The following EPHA6 variants were observed in gnomAD, a reference collection of about 807,000 sequenced individuals.
The protein encoded by EPHA6 is ephrin type-A receptor 6.
In EPHA6, 50 loss-of-function variants were observed where a neutral mutation model predicts 112.0. The observed-to-expected ratio is 0.45, with a 90% CI of 0.36 to 0.56. EPHA6 has a LOEUF of 0.56. Ranked by LOEUF, EPHA6 falls within the 20% of genes least tolerant of loss-of-function variation. The pLI is 0.00. For missense variants in EPHA6, 1,280 were observed against 1,417.4 expected, an observed-to-expected ratio of 0.90 and a Z score of 1.56; for synonymous variants, 529 against 490.7, an observed-to-expected ratio of 1.08 and a Z score of -1.03.
At position 97,104,691 on chromosome 3, in the gene EPHA6, T is replaced by A. The variant is rs143850196; in HGVS notation, c.1114+116698T>A. On this transcript the variant is annotated intron_variant, in intron 3 of 17. Coordinates refer to ENST00000389672, the MANE Select transcript of EPHA6 (RefSeq NM_001080448.3). ...AGTTGAGAAATCCTTCCGCCTCAAT[T>A]TTTGGTAACAATTTCAGTAGGAATG... Among the ~76,000 whole-genome samples the A allele has an allele frequency of 4.0e-3, 616 of 152,228 alleles. 1 individual carries two copies. The highest frequency in any genetic ancestry group is 0.014 in the African/African-American group (572 of 41,566).
intron 3 of EPHA6, among the ~76,000 whole-genome samples, chr3:97,215,024 T>A (rs897885233): frequency 5.3e-5 from 8 of 152,322 alleles, no homozygotes; most frequent in African/African-American, 1.9e-4. Context: ...TACTGATAAG[T>A]CATGCAGGTT....
At position 97,756,728 on chromosome 3, in the gene EPHA6, T is replaced by C. The variant is rs539513631; in HGVS notation, c.*8027T>C. Among the ~76,000 whole-genome samples, 41 of 151,918 alleles carry C rather than the reference T, an allele frequency of 2.7e-4. No homozygotes were observed. The highest frequency in any genetic ancestry group is 8.9e-4 in the African/African-American group (37 of 41,540). ...ATCAAAATGTGAAATGGGAGCATTT[T>C]GGGGAGCGAGCAGGACACAATATCT... is the stretch of plus-strand genomic sequence containing the variant. On this transcript the variant is annotated 3_prime_UTR_variant, in exon 18 of 18. Coordinates refer to ENST00000389672, the MANE Select transcript of EPHA6 (RefSeq NM_001080448.3).
chr3:97,571,693 C>T (rs1456665427), intron 11 of EPHA6, among the ~76,000 whole-genome samples: 2 of 152,154 alleles, frequency 1.3e-5, no homozygotes, highest in Non-Finnish European at 2.9e-5. Context: ...TTAAATGCCA[C>T]ACAGCAGACA....
intron 14 of EPHA6, among the ~76,000 whole-genome samples, chr3:97,672,603 T>G (rs936926863): frequency 6.6e-6 from 1 of 151,970 alleles, no homozygotes; most frequent in African/African-American, 2.4e-5. Context: ...ATTTCTACCC[T>G]ACTCTTCTTT....
At chr3:97,579,509 C>T (rs923523796) in intron 11 of EPHA6, among the ~76,000 whole-genome samples, 2 of 152,114 alleles carry the variant, frequency 1.3e-5, no homozygotes, top group African/African-American at 2.4e-5. Flanking sequence ...AAATGTGCCT[C>T]GCATGGGTGA....
At chr3:97,349,525 G>A (rs1197838071) in intron 5 of EPHA6, among the ~76,000 whole-genome samples, 1 of 152,000 alleles carries the variant, frequency 6.6e-6, no homozygotes, top group African/African-American at 2.4e-5. Context: ...CTTCCACAAG[G>A]TATTTAGAAA....
chr3:97,021,227 A>G (rs914598710), intron 3 of EPHA6, among the ~76,000 whole-genome samples: 4 of 152,044 alleles, frequency 2.6e-5, no homozygotes, highest in African/African-American at 7.2e-5. Flanking sequence ...CCAACTATTC[A>G]TTTTCTAAGA....
chr3:97,096,282 C>A (rs1347360681), intron 3 of EPHA6, among the ~76,000 whole-genome samples: 2 of 151,604 alleles, frequency 1.3e-5, no homozygotes, highest in Non-Finnish European at 2.9e-5. Context: ...CACCCACACA[C>A]ACACACACAC....
At chr3:97,656,217 A>G (rs1309295364) in intron 14 of EPHA6, among the ~76,000 whole-genome samples, 1 of 151,982 alleles carries the variant, frequency 6.6e-6, no homozygotes, top group Non-Finnish European at 1.5e-5. Flanking sequence ...GTTTGTTTTA[A>G]TGCTACTTCT....
At chr3:97,685,519 G>C (rs745804469) in intron 14 of EPHA6, among the ~76,000 whole-genome samples, 16 of 152,094 alleles carry the variant, frequency 1.1e-4, no homozygotes, top group Non-Finnish European at 2.1e-4. Flanking sequence ...GCTGTACATG[G>C]ACATAATGTA....
At chr3:97,495,374 A>G (rs11929013) in intron 10 of EPHA6, among the ~76,000 whole-genome samples, 11,027 of 151,466 alleles carry the variant, frequency 0.073, 1,270 homozygotes, top group African/African-American at 0.24. Flanking sequence ...AAATTTGTAT[A>G]GATAGGTAAA....
chr3:97,098,549 T>C (rs915399748), intron 3 of EPHA6, among the ~76,000 whole-genome samples: 1 of 151,860 alleles, frequency 6.6e-6, no homozygotes, highest in Non-Finnish European at 1.5e-5. Flanking sequence ...AATGTGAATG[T>C]GATGATGTTA....
chr3:97,608,564 A>T (rs1159858495), intron 12 of EPHA6, among the ~76,000 whole-genome samples: 1 of 151,370 alleles, frequency 6.6e-6, no homozygotes, highest in Non-Finnish European at 1.5e-5. Context: ...TGTGATGGAA[A>T]TGCAACTATG....
Position 97,754,944 on chromosome 3 carries a change from C to T in EPHA6, c.*6243C>T, listed in dbSNP as rs1019791982. ...GGTCTCGATCTCCTGACCTGGTGAT[C>T]CAACCGCCTCGGCCTCCCAAAGTGG... On this transcript the variant is annotated 3_prime_UTR_variant, in exon 18 of 18. Transcript: ENST00000389672. 6.6e-6 allele frequency among the ~76,000 whole-genome samples: 1 copy of T among 152,158 alleles called. No individual in the cohort carries two copies.
intron 3 of EPHA6, among the ~76,000 whole-genome samples, chr3:97,043,589 G>A (rs2045396755): frequency 6.6e-6 from 1 of 152,142 alleles, no homozygotes; most frequent in Non-Finnish European, 1.5e-5. Flanking sequence ...AGGCTCCACA[G>A]CTGGATCACT....
At chr3:97,415,262 A>G (rs2088037570) in intron 6 of EPHA6, among the ~76,000 whole-genome samples, 2 of 152,152 alleles carry the variant, frequency 1.3e-5, no homozygotes, top group Non-Finnish European at 2.9e-5. Flanking sequence ...TTTTGTTTTT[A>G]ACTTGCCACA....
chr3:97,680,300 GCT>G (rs1034003135), intron 14 of EPHA6, among the ~76,000 whole-genome samples: 2 of 152,102 alleles, frequency 1.3e-5, no homozygotes, highest in Admixed American at 6.6e-5. Flanking sequence ...GGCTTACTAT[GCT>G]CTCTCTGAGA....
At chr3:96,887,812 G>A (rs1444210641) in intron 2 of EPHA6, among the ~76,000 whole-genome samples, 1 of 152,084 alleles carries the variant, frequency 6.6e-6, no homozygotes, top group African/African-American at 2.4e-5. Flanking sequence ...CCCTGGAGTT[G>A]TTTACCTATG....
intron 14 of EPHA6, among the ~76,000 whole-genome samples, chr3:97,663,547 A>C (rs1490877259): frequency 1.5e-5 from 2 of 132,332 alleles, no homozygotes; most frequent in Non-Finnish European, 3.0e-5. Flanking sequence ...AAGTGTTCTC[A>C]TTGTTCAATT....
Sources: allele counts gnomAD v4.1 joint callset (sites outside exome capture counted in the v4.1 genomes callset), GRCh38; gene constraint gnomAD v4.1.1; transcripts MANE v1.5; gene names NCBI Gene and HGNC (gene_info 2026-07-23, HGNC 2026-07-21).